PCDH12: variants seen among roughly 807,000 people sequenced by gnomAD.
The protein encoded by PCDH12 is protocadherin-12.
PCDH12 carries 45 observed loss-of-function variants against 70.9 expected under a neutral mutation model. The observed-to-expected ratio is 0.63, with a 90% CI of 0.50 to 0.81. PCDH12 has a LOEUF of 0.81. Ranked by LOEUF, PCDH12 falls within the 40% of genes least tolerant of loss-of-function variation. The probability of loss-of-function intolerance (pLI) is 0.00; values close to 1 mark genes in which losing one functional copy is unlikely to be tolerated. For missense variants in PCDH12, 1,370 were observed against 1,491.7 expected (o/e 0.92, Z 1.34); for synonymous variants, 567 against 626.0 (o/e 0.91, Z 1.41).
Position 141,958,183 on chromosome 5 carries a change from G to A in PCDH12, c.-332C>T. The A allele has an allele frequency of 3.7e-6, 1 of 271,386 alleles. No individual in the cohort carries two copies. The highest frequency in any genetic ancestry group is 7.0e-6 in the Non-Finnish European group (1 of 142,926). 16.8% of individuals were successfully genotyped at this position (271,386 alleles called of 1,614,324 possible). On this transcript the variant is annotated 5_prime_UTR_variant, in exon 1 of 4. Transcript: ENST00000231484. The stretch of plus-strand genomic sequence containing the variant: ...CCAGTTGAGCAGGATGTGGGACTCT[G>A]ACTGCCAAACAGTTGCTAGGCTGGG...
rs781009066 is a variant in PCDH12, at chr5:141,956,244, G to A, written c.1608C>T (p.Ile536=). The change falls in exon 1 of 4, where the codon ATC becomes ATT. Residue 536 remains isoleucine (I), a synonymous_variant. Transcript: ENST00000231484. ...GCATGGGTTGCCCGCTGTCCTCTGC[G>A]ATCACCTGGAACTCAAAGCCGGCCA... is the stretch of plus-strand genomic sequence containing the variant. ...EEMAGFEFQV[I]AEDSGQPMLA... 6.8e-6 allele frequency: 11 copies of A among 1,614,056 alleles called. No individual in the cohort carries two copies. Among genetic ancestry groups the A allele is most frequent in the East Asian group, 4.5e-5 (2 of 44,900 alleles).
At position 141,957,366 on chromosome 5, in the gene PCDH12, TG is replaced by T; in HGVS notation, c.485del (p.Pro162GlnfsTer36). On this transcript the variant is annotated frameshift_variant, in exon 1 of 4. Coordinates refer to ENST00000231484, the MANE Select transcript of PCDH12 (RefSeq NM_016580.4). LOFTEE classifies it high-confidence loss of function. The surrounding 1 kb of genome is among the most constrained non-coding windows in gnomAD (Gnocchi z 4.3). Reference protein sequence around the residue: ...TRIPLDRALDPDTGPNTLHTY... With the variant: ...TRIPLDRALDXDTGPNTLHTY... ...TGTGCAGGGTGTTAGGGCCTGTGTCTGGGTCAAGAGCTCTGTCCAGGGGGAT... is the reference window on the plus strand; with the variant it reads ...TGTGCAGGGTGTTAGGGCCTGTGTCTGGTCAAGAGCTCTGTCCAGGGGGAT... The T allele has an allele frequency of 6.2e-7, 1 of 1,613,858 alleles. No individual in the cohort carries two copies. The highest frequency in any genetic ancestry group is 8.5e-7 in the Non-Finnish European group (1 of 1,179,886).
Position 141,955,253 on chromosome 5 carries a change from C to G in PCDH12, c.2599G>C (p.Glu867Gln), listed in dbSNP as rs746450107. Residue 867 changes from glutamate (E) to glutamine (Q), a missense_variant, in exon 1 of 4, where the codon GAG becomes CAG. Coordinates refer to ENST00000231484, the MANE Select transcript of PCDH12 (RefSeq NM_016580.4). The surrounding 1 kb of genome is among the most constrained non-coding windows in gnomAD (Gnocchi z 5.5). ...GGCTGGCCTGTGGCAGGCTGGGGCT[C>G]GGGAAGGTTCAGGTTCTCCCGGGAG... is the stretch of plus-strand genomic sequence containing the variant. ...NASRENLNLPEPQPATGQPRS... is the reference protein window; with the variant it reads ...NASRENLNLPQPQPATGQPRS... 16 of 1,614,064 alleles carry G rather than the reference C, an allele frequency of 9.9e-6. No individual in the cohort carries two copies. Among genetic ancestry groups the G allele is most frequent in the Admixed American group, 5.0e-5 (3 of 60,010 alleles).
chr5:141,952,558 A>T (rs1004723132), intron 1 of PCDH12: 5 of 152,234 alleles, frequency 3.3e-5, no homozygotes, highest in Non-Finnish European at 5.9e-5. Flanking sequence ...AGAATGGAGT[A>T]GGGGATGGGT....
chr5:141,955,821 T>G lies in PCDH12; in HGVS notation c.2031A>C (p.Val677=). 6.2e-7 allele frequency: 1 copy of G among 1,613,998 alleles called. No individual in the cohort carries two copies. Among genetic ancestry groups the G allele is most frequent in the Non-Finnish European group, 8.5e-7 (1 of 1,179,934 alleles). The change falls in exon 1 of 4, where the codon GTA becomes GTC. Residue 677 remains valine, a synonymous_variant. Transcript: ENST00000231484. The surrounding 1 kb of genome is among the most constrained non-coding windows in gnomAD (Gnocchi z 5.5). ...IGSEWELEIV[V]EDQGSPPLQT... is the part of the protein sequence containing the mutation. The stretch of plus-strand genomic sequence containing the variant: ...GTAAGGGGGGGCTTCCCTGGTCCTC[T>G]ACTACTATCTCCAGCTCCCACTCAC...
rs756909340 is a variant in PCDH12 at position 141,955,393 on chromosome 5, G to A, written c.2459C>T (p.Pro820Leu). ...PCLQAPFHLTPTLYRTLRNQG... is the reference protein window; with the variant it reads ...PCLQAPFHLTLTLYRTLRNQG... ...ATTACGCAGCGTCCTGTACAGGGTC[G>A]GGGTGAGGTGGAAGGGGGCCTGCAG... Residue 820 changes from proline to leucine, a missense_variant, in exon 1 of 4, where the codon CCG (proline) becomes CTG (leucine). Physicochemically the swap from Pro to Leu is moderately conservative, Grantham distance 98. Transcript: ENST00000231484. The surrounding 1 kb of genome is among the most constrained non-coding windows in gnomAD (Gnocchi z 5.5). The A allele has an allele frequency of 9.9e-6, 16 of 1,613,832 alleles. No individual in the cohort carries two copies. The highest frequency in any genetic ancestry group is 6.7e-5 in the East Asian group (3 of 44,884).
rs1192944292 is a variant in PCDH12, at chr5:141,944,673, C to A, written c.*708G>T. 2.6e-5 allele frequency: 4 copies of A among 152,224 alleles called. No homozygotes were observed. Among genetic ancestry groups the A allele is most frequent in the Admixed American group, 2.6e-4 (4 of 15,286 alleles). The allele number at this position is 152,224 out of a possible 1,614,324, so 9.4% of individuals were successfully genotyped here. A position where few individuals can be genotyped will look rare whatever the true frequency, so the allele number is the denominator to read the frequency against. On this transcript the variant is annotated 3_prime_UTR_variant, in exon 4 of 4. Transcript: ENST00000231484. ...CTCCCTCCCAGGATTGTTGGAAAAT[C>A]AAATTAAATCCTATTGTAAAGCCTG...
At chr5:141,951,405 C>T (rs548447595) in intron 2 of PCDH12, 88 bp downstream of exon 2, 4 of 979,204 alleles carry the variant, frequency 4.1e-6, no homozygotes, top group Admixed American at 1.7e-5. Context: ...CTGACTTGTG[C>T]TCACCCTTCC....
rs1357746502 is a variant in PCDH12, at chr5:141,954,962, C to T, written c.2880+10G>A. On this transcript the variant is annotated intron_variant, in intron 1 of 3. Transcript: ENST00000231484. ...GTGACCAGAGAAAGAGCTGCCCATG[C>T]CCCAGGTACCTGAACAGGAGGAGAA... 7 of 1,602,622 alleles carry T rather than the reference C, an allele frequency of 4.4e-6. No individual in the cohort carries two copies. In the East Asian group the frequency reaches 1.1e-4, roughly 26 times the overall value.
chr5:141,947,792 T>TC (rs1752977187), intron 3 of PCDH12, among the ~76,000 whole-genome samples: 1 of 152,152 alleles, frequency 6.6e-6, no homozygotes, highest in African/African-American at 2.4e-5. Context: ...GATCCCAGTC[T>TC]CCCCATGGCA....
rs752435313 is a variant in PCDH12, at chr5:141,957,334, G to A, written c.518C>T (p.Thr173Ile). 6.2e-6 allele frequency: 10 copies of A among 1,613,536 alleles called. No homozygotes were observed. The Admixed American group carries it at 6.7e-5, about 11-fold the overall frequency. Residue 173 changes from threonine (T) to isoleucine (I), a missense_variant, in exon 1 of 4, where the codon ACT (threonine) becomes ATT (isoleucine). By Grantham distance (89) the Thr-to-Ile change is moderately conservative (BLOSUM62 -1). Transcript: ENST00000231484. The surrounding 1 kb of genome is among the most constrained non-coding windows in gnomAD (Gnocchi z 4.3). ...GGCAAAGTGCTCACTGGGAGACAGA[G>A]TGTAGGTGTGCAGGGTGTTAGGGCC... Reference protein sequence around the residue: ...DTGPNTLHTYTLSPSEHFALD... With the variant: ...DTGPNTLHTYILSPSEHFALD...
rs764159953 is a variant in PCDH12, at chr5:141,955,620, C to T, written c.2232G>A (p.Lys744=). The T allele has an allele frequency of 6.2e-7, 1 of 1,612,916 alleles. No homozygotes were observed. The highest frequency in any genetic ancestry group is 8.5e-7 in the Non-Finnish European group (1 of 1,180,020). The stretch of plus-strand genomic sequence containing the variant: ...GACAGTTGTAGGCCCTGTTGTCCTT[C>T]TTTTCTGTCCGGCAGATGGACATGA... The part of the protein sequence containing the change: ...ALFMSICRTE[K]KDNRAYNCRE... The change falls in exon 1 of 4, where the codon AAG becomes AAA. Residue 744 remains lysine (K), a synonymous_variant. Transcript: ENST00000231484. This position sits in a 1 kb window ranked among gnomAD's most constrained non-coding sequence, Gnocchi z 5.5.
rs1223459352 is a variant in PCDH12 at position 141,951,590 on chromosome 5, G to T, written c.2881C>A (p.Gln961Lys). The T allele has an allele frequency of 6.2e-7, 1 of 1,613,002 alleles. No homozygotes were observed. The highest frequency in any genetic ancestry group is 1.7e-5 in the Admixed American group (1 of 60,028). ...ELTVDSPPVQ[Q>K]ISQLLSLLHQ... The stretch of plus-strand genomic sequence containing the variant: ...AGCAAGGACAGCAGCTGGGAGATTT[G>T]CTACAAGACAGGAAAAATCTGTTGA... The change falls in exon 2 of 4, where the codon CAA becomes AAA. Residue 961 changes from glutamine (Q) to lysine (K), a missense_variant and splice_region_variant. Coordinates refer to ENST00000231484, the MANE Select transcript of PCDH12 (RefSeq NM_016580.4).
At position 141,956,240 on chromosome 5, in the gene PCDH12, C is replaced by G. The variant is rs1753181651; in HGVS notation, c.1612G>C (p.Glu538Gln). 3.7e-6 allele frequency: 6 copies of G among 1,614,100 alleles called. No individual in the cohort carries two copies. The highest frequency in any genetic ancestry group is 4.2e-6 in the Non-Finnish European group (5 of 1,180,048). Residue 538 changes from glutamate to glutamine, a missense_variant, in exon 1 of 4, where the codon GAG becomes CAG. By Grantham distance (29) the Glu-to-Gln change is conservative (BLOSUM62 2). Transcript: ENST00000231484. ...MAGFEFQVIA[E>Q]DSGQPMLASS... is the part of the protein sequence containing the mutation. Reference sequence around the variant, plus strand: ...GCAAGCATGGGTTGCCCGCTGTCCTCTGCGATCACCTGGAACTCAAAGCCG... The same window carrying G: ...GCAAGCATGGGTTGCCCGCTGTCCTGTGCGATCACCTGGAACTCAAAGCCG...
chr5:141,955,423 G>C lies in PCDH12; in HGVS notation c.2429C>G (p.Pro810Arg). Residue 810 changes from proline to arginine, a missense_variant, in exon 1 of 4, where the codon CCC (proline) becomes CGC (arginine). By Grantham distance (103) the Pro-to-Arg change is moderately radical. Transcript: ENST00000231484. This position sits in a 1 kb window ranked among gnomAD's most constrained non-coding sequence, Gnocchi z 5.5. ...GAGGTGGAAGGGGGCCTGCAGGCAG[G>C]GGTCCCAGCCTGCTTCCATCATCGC... Reference protein sequence around the residue: ...KEAMMEAGWDPCLQAPFHLTP... With the variant: ...KEAMMEAGWDRCLQAPFHLTP... 6.2e-7 allele frequency: 1 copy of C among 1,614,024 alleles called. No homozygotes were observed. Among genetic ancestry groups the C allele is most frequent in the Non-Finnish European group, 8.5e-7 (1 of 1,180,016 alleles).
At position 141,956,793 on chromosome 5, in the gene PCDH12, G is replaced by A. The variant is rs778157315; in HGVS notation, c.1059C>T (p.His353=). The stretch of plus-strand genomic sequence containing the variant: ...GTGATGGCTGGGAGGCCCATGTGAC[G>A]TGGATGCTTGGGATGTTGTCATTGA... ...LDVNDNIPSI[H]VTWASQPSLV... is the part of the protein sequence containing the mutation. The change falls in exon 1 of 4, where the codon CAC becomes CAT. Residue 353 remains histidine, a synonymous_variant. Coordinates refer to ENST00000231484, the MANE Select transcript of PCDH12 (RefSeq NM_016580.4). 2.7e-5 allele frequency: 44 copies of A among 1,614,134 alleles called. No homozygotes were observed. The highest frequency in any genetic ancestry group is 9.3e-5 in the African/African-American group (7 of 74,952).
chr5:141,945,856 G>A, intron 3 of PCDH12, 51 bp from the exon 4 acceptor site: 1 of 1,550,976 alleles, frequency 6.4e-7, no homozygotes, highest in Non-Finnish European at 8.8e-7. Flanking sequence ...GGAAGGGCCA[G>A]GCGGGTGAGG....
In PCDH12 at chr5:141,955,079, C is replaced by G. The variant is rs199848714; in HGVS notation, c.2773G>C (p.Glu925Gln). ...HLNGKVSPEKESGPRQILRSL... is the reference protein window; with the variant it reads ...HLNGKVSPEKQSGPRQILRSL... ...CGCAGGATCTGACGGGGCCCTGATTCTTTCTCAGGGGACACTTTGCCATTG... is the reference window on the plus strand; with the variant it reads ...CGCAGGATCTGACGGGGCCCTGATTGTTTCTCAGGGGACACTTTGCCATTG... The change falls in exon 1 of 4, where the codon GAA becomes CAA. Residue 925 changes from glutamate (E) to glutamine (Q), a missense_variant. Glu to Gln is a conservative substitution (Grantham distance 29). Transcript: ENST00000231484. The surrounding 1 kb of genome is among the most constrained non-coding windows in gnomAD (Gnocchi z 5.5). 1.2e-5 allele frequency: 19 copies of G among 1,614,244 alleles called. No individual in the cohort carries two copies. The African/African-American group carries it at 2.1e-4, about 18-fold the overall frequency.
rs779774331 is a variant in PCDH12, at chr5:141,955,598, AG to A, written c.2253del (p.Cys752ValfsTer52). On this transcript the variant is annotated frameshift_variant, in exon 1 of 4. Transcript: ENST00000231484. LOFTEE classifies it high-confidence loss of function. This position sits in a 1 kb window ranked among gnomAD's most constrained non-coding sequence, Gnocchi z 5.5. ...CGGTAGGTGGACTCGGCCTCCCGAC[AG>A]TTGTAGGCCCTGTTGTCCTTCTTTT... Reference protein sequence around the residue: ...RTEKKDNRAYNCREAESTYRQ... With the variant: ...RTEKKDNRAYXCREAESTYRQ... 3.3e-5 allele frequency: 54 copies of A among 1,614,036 alleles called. No homozygotes were observed. Among genetic ancestry groups the A allele is most frequent in the Non-Finnish European group, 4.4e-5 (52 of 1,180,038 alleles).
Sources: gnomAD v4.1 joint callset for allele counts (sites outside exome capture counted in the v4.1 genomes callset) on GRCh38, gnomAD v4.1.1 for gene constraint, Gnocchi (gnomAD v3.1) non-coding constraint, MANE v1.5 for transcripts, NCBI Gene and HGNC (gene_info 2026-07-23, HGNC 2026-07-21) for gene names.